KDM4C: variants seen among roughly 807,000 people sequenced by gnomAD.
The protein encoded by KDM4C is lysine-specific demethylase 4C.
In KDM4C, 81 loss-of-function variants were observed where a neutral mutation model predicts 129.3. The ratio of observed to expected loss-of-function variants is 0.63; its 90% confidence interval spans 0.52 to 0.75. The LOEUF (loss-of-function observed/expected upper bound fraction) is 0.75. Among genes scored for constraint, KDM4C ranks in the 30% least tolerant of loss-of-function variants. The pLI is 0.00. For synonymous variants in KDM4C, 573 were observed against 456.1 expected, an observed-to-expected ratio of 1.26 and a Z score of -3.26; for missense variants, 1,457 against 1,304.0, an observed-to-expected ratio of 1.12 and a Z score of -1.81.
chr9:6,964,667 A>G (rs1830593522), intron 8 of KDM4C, among the ~76,000 whole-genome samples: 1 of 151,264 alleles, frequency 6.6e-6, no homozygotes, highest in Non-Finnish European at 1.5e-5. Context: ...CTGTAGTCCC[A>G]GCTACTCGTG....
chr9:6,920,375 A>G (rs1336181148), intron 8 of KDM4C, among the ~76,000 whole-genome samples: 1 of 152,186 alleles, frequency 6.6e-6, no homozygotes, highest in Non-Finnish European at 1.5e-5. Flanking sequence ...CAGCCTGGCC[A>G]ACATGGTAAG....
At chr9:7,004,367 T>C (rs1304808743) in intron 12 of KDM4C, among the ~76,000 whole-genome samples, 1 of 152,242 alleles carries the variant, frequency 6.6e-6, no homozygotes, top group East Asian at 1.9e-4. Context: ...TAAGATGACA[T>C]ATTTTTATAA....
intron 18 of KDM4C, among the ~76,000 whole-genome samples, chr9:7,112,209 G>A (rs974620396): frequency 9.2e-5 from 14 of 152,098 alleles, no homozygotes; most frequent in Admixed American, 7.9e-4. Flanking sequence ...CATGTTCCCC[G>A]GGGGATTCCT....
intron 1 of KDM4C, among the ~76,000 whole-genome samples, chr9:6,728,570 G>A (rs1485175843): frequency 6.6e-6 from 1 of 151,614 alleles, no homozygotes; most frequent in Non-Finnish European, 1.5e-5. Flanking sequence ...TTCTTGGCCG[G>A]GCTCAGTGGC....
At chr9:7,102,309 CTTTTTTTTT>C (rs34614459) in intron 17 of KDM4C, among the ~76,000 whole-genome samples, 27 of 89,980 alleles carry the variant, frequency 3.0e-4, no homozygotes, top group South Asian at 8.6e-4. Context: ...ATGGTTTTCC[CTTTTTTTTT>C]TTTTTTTTTT....
At chr9:6,856,090 C>T (rs141247254) in intron 5 of KDM4C, among the ~76,000 whole-genome samples, 68 of 151,944 alleles carry the variant, frequency 4.5e-4, no homozygotes, top group African/African-American at 1.6e-3. Flanking sequence ...CAGCATTTGG[C>T]ATGAGCCTGG....
At chr9:6,921,679 A>G (rs1821541188) in intron 8 of KDM4C, among the ~76,000 whole-genome samples, 1 of 152,178 alleles carries the variant, frequency 6.6e-6, no homozygotes, top group Non-Finnish European at 1.5e-5. Flanking sequence ...CAGATTGTGT[A>G]TACTTCTGCT....
chr9:6,958,149 C>T (rs917636578), intron 8 of KDM4C, among the ~76,000 whole-genome samples: 2 of 150,640 alleles, frequency 1.3e-5, no homozygotes, highest in Admixed American at 6.6e-5. Flanking sequence ...AAGTTTTTCT[C>T]CAACCAGGTG....
At chr9:6,896,127 C>G (rs1816391000) in intron 8 of KDM4C, among the ~76,000 whole-genome samples, 2 of 152,160 alleles carry the variant, frequency 1.3e-5, no homozygotes, top group South Asian at 4.1e-4. Context: ...TTCCTGGAAA[C>G]TGATGTGTAG....
chr9:7,038,571 T>G (rs1828036713), intron 15 of KDM4C, among the ~76,000 whole-genome samples: 1 of 152,110 alleles, frequency 6.6e-6, no homozygotes, highest in Admixed American at 6.5e-5. Context: ...AATTTTGGCT[T>G]CTGATAATTC....
intron 8 of KDM4C, among the ~76,000 whole-genome samples, chr9:6,957,254 C>T (rs964825529): frequency 6.6e-6 from 1 of 152,220 alleles, no homozygotes; most frequent in Non-Finnish European, 1.5e-5. Context: ...CCTGTTGTCA[C>T]TTTTGATACT....
At chr9:6,856,584 T>TGTGTG (rs1564171899) in intron 5 of KDM4C, among the ~76,000 whole-genome samples, 1 of 103,476 alleles carries the variant, frequency 9.7e-6, no homozygotes, top group African/African-American at 3.7e-5. Context: ...GTGTGTGTAT[T>TGTGTG]TTTTTTTGAG....
intron 5 of KDM4C, among the ~76,000 whole-genome samples, chr9:6,871,493 C>T (rs527718497): frequency 4.1e-4 from 62 of 152,176 alleles, no homozygotes; most frequent in African/African-American, 1.4e-3. Flanking sequence ...GTTCATAGTT[C>T]ATTAGTGACT....
intron 8 of KDM4C, among the ~76,000 whole-genome samples, chr9:6,964,848 G>A (rs952689587): frequency 1.3e-5 from 2 of 149,768 alleles, no homozygotes; most frequent in African/African-American, 4.9e-5. Flanking sequence ...CAGCTACTCG[G>A]GAGGCTGAGG....
At chr9:6,921,829 CT>C (rs1390347519) in intron 8 of KDM4C, among the ~76,000 whole-genome samples, 1 of 152,148 alleles carries the variant, frequency 6.6e-6, no homozygotes, top group Non-Finnish European at 1.5e-5. Context: ...CTCCATGACC[CT>C]TGCCCACTCT....
chr9:6,730,353 C>A (rs970416375), intron 1 of KDM4C, among the ~76,000 whole-genome samples: 3 of 152,070 alleles, frequency 2.0e-5, no homozygotes, highest in Non-Finnish European at 4.4e-5. Flanking sequence ...TGGTGGCTCA[C>A]GCCTGTAATT....
chr9:7,158,062 C>A (rs1209231164), intron 19 of KDM4C, among the ~76,000 whole-genome samples: 1 of 152,186 alleles, frequency 6.6e-6, no homozygotes, highest in Non-Finnish European at 1.5e-5. Context: ...AGTGATTTAA[C>A]TTCTTCCTGG....
chr9:6,837,164 C>T (rs751894637), intron 4 of KDM4C, among the ~76,000 whole-genome samples: 59 of 152,080 alleles, frequency 3.9e-4, no homozygotes, highest in Non-Finnish European at 6.8e-4. Context: ...CTCAAGTGAT[C>T]GTCCCACCTC....
chr9:6,920,786 T>G (rs1463468030), intron 8 of KDM4C, among the ~76,000 whole-genome samples: 1 of 152,052 alleles, frequency 6.6e-6, no homozygotes, highest in Non-Finnish European at 1.5e-5. Flanking sequence ...TTCTGCTTGG[T>G]GGGTCTGGAT....
Sources: allele counts gnomAD v4.1 joint callset (sites outside exome capture counted in the v4.1 genomes callset), GRCh38; gene constraint gnomAD v4.1.1; transcripts MANE v1.5; gene names NCBI Gene and HGNC (gene_info 2026-07-23, HGNC 2026-07-21).